The following CADM2 variants were observed in gnomAD, a reference collection of about 807,000 sequenced individuals.
The protein encoded by CADM2 is immunoglobulin superfamily member 4D.
A neutral mutation model predicts 49.8 loss-of-function variants in CADM2; 12 were observed. The ratio of observed to expected loss-of-function variants is 0.24; its 90% CI spans 0.15 to 0.39. The LOEUF is 0.39. CADM2 is among the 10% of genes least tolerant of loss of function. The pLI is 1.00. For synonymous variants in CADM2, 214 were observed against 175.4 expected (o/e 1.22, Z -1.74); for missense variants, 378 against 492.3 (o/e 0.77, Z 2.20).
intron 1 of CADM2, among the ~76,000 whole-genome samples, chr3:85,547,142 TTG>T (rs759640347): frequency 7.9e-5 from 12 of 152,000 alleles, no homozygotes; most frequent in Non-Finnish European, 1.5e-4. Context: ...AATTAAATAT[TTG>T]TTGTATTGAT....
At chr3:85,675,751 T>C (rs1052450564) in intron 1 of CADM2, among the ~76,000 whole-genome samples, 1 of 152,174 alleles carries the variant, frequency 6.6e-6, no homozygotes, top group Non-Finnish European at 1.5e-5. Context: ...TCATTAATCA[T>C]AGAGGGTGTA....
At chr3:85,105,722 A>G (rs1034126868) in intron 1 of CADM2, among the ~76,000 whole-genome samples, 4 of 152,334 alleles carry the variant, frequency 2.6e-5, no homozygotes, top group Admixed American at 1.3e-4. Flanking sequence ...AGACTGGATT[A>G]AGAAAATATG....
At chr3:85,043,028 AC>A (rs1255912194) in intron 1 of CADM2, among the ~76,000 whole-genome samples, 5 of 152,262 alleles carry the variant, frequency 3.3e-5, no homozygotes, top group South Asian at 2.1e-4. Flanking sequence ...AAATGACAAC[AC>A]AAAGGCATTT....
chr3:85,054,846 A>T (rs1428554883), intron 1 of CADM2, among the ~76,000 whole-genome samples: 1 of 151,882 alleles, frequency 6.6e-6, no homozygotes. Context: ...TCTCTTTTTG[A>T]TGCTTGAAGT....
intron 1 of CADM2, among the ~76,000 whole-genome samples, chr3:85,535,966 G>T (rs1454475493): frequency 6.6e-6 from 1 of 152,054 alleles, no homozygotes; most frequent in East Asian, 1.9e-4. Context: ...TAACAGGATG[G>T]TTTATTAAAG....
intron 1 of CADM2, among the ~76,000 whole-genome samples, chr3:85,530,231 T>C (rs1305798363): frequency 6.6e-6 from 1 of 151,670 alleles, no homozygotes; most frequent in Admixed American, 6.6e-5. Flanking sequence ...AAGACATGTC[T>C]CTTCCTCTAC....
intron 1 of CADM2, among the ~76,000 whole-genome samples, chr3:85,203,765 C>G (rs2041566417): frequency 6.6e-6 from 1 of 152,124 alleles, no homozygotes; most frequent in Non-Finnish European, 1.5e-5. Context: ...CTAGCTCTAG[C>G]TAAGTAAAAT....
intron 3 of CADM2, among the ~76,000 whole-genome samples, chr3:85,826,448 A>G (rs923696817): frequency 6.6e-6 from 1 of 152,058 alleles, no homozygotes; most frequent in African/African-American, 2.4e-5. Context: ...GGGTTTTTAT[A>G]GTTGTTTTTC....
chr3:85,560,883 T>C (rs994139113), intron 1 of CADM2, among the ~76,000 whole-genome samples: 9 of 152,222 alleles, frequency 5.9e-5, no homozygotes, highest in African/African-American at 1.9e-4. Flanking sequence ...TTTTACCATG[T>C]TTTCTTTAGA....
chr3:85,286,913 A>G (rs1042401925), intron 1 of CADM2, among the ~76,000 whole-genome samples: 1 of 152,166 alleles, frequency 6.6e-6, no homozygotes, highest in Non-Finnish European at 1.5e-5. Flanking sequence ...ATCATTCAAT[A>G]TCAGTAATTT....
At chr3:85,694,229 T>G (rs144985489) in intron 1 of CADM2, among the ~76,000 whole-genome samples, 1 of 152,172 alleles carries the variant, frequency 6.6e-6, no homozygotes, top group Non-Finnish European at 1.5e-5. Context: ...TACCTCCCAT[T>G]CATATGTTGA....
chr3:85,228,137 G>GT (rs1234994742), intron 1 of CADM2, among the ~76,000 whole-genome samples: 1 of 152,000 alleles, frequency 6.6e-6, no homozygotes, highest in Non-Finnish European at 1.5e-5. Context: ...TCTTTGTGGT[G>GT]TTCTCTGTAT....
At chr3:85,334,326 G>A (rs975114092) in intron 1 of CADM2, among the ~76,000 whole-genome samples, 1 of 151,428 alleles carries the variant, frequency 6.6e-6, no homozygotes, top group Admixed American at 6.6e-5. Context: ...TGATGTCTCA[G>A]GCTTACATCT....
At chr3:85,086,587 C>T (rs976969756) in intron 1 of CADM2, among the ~76,000 whole-genome samples, 3 of 148,604 alleles carry the variant, frequency 2.0e-5, no homozygotes, top group Non-Finnish European at 3.0e-5. Flanking sequence ...TCTTGGCTCA[C>T]GGCAGCCTCC....
intron 1 of CADM2, among the ~76,000 whole-genome samples, chr3:85,250,774 A>T (rs778817734): frequency 6.6e-6 from 1 of 151,766 alleles, no homozygotes; most frequent in African/African-American, 2.4e-5. Flanking sequence ...ACAATACTAA[A>T]TACAAATGGA....
At chr3:85,886,043 G>A in intron 4 of CADM2, 147 bp from the exon 5 acceptor site, 1 of 1,156,204 alleles carries the variant, frequency 8.6e-7, no homozygotes, top group Non-Finnish European at 1.2e-6. Flanking sequence ...CACATATGAA[G>A]CAGTTTATTA....
At position 85,644,483 on chromosome 3, in the gene CADM2, T is replaced by G. The variant is rs181671513; in HGVS notation, c.62-82039T>G. Reference sequence around the variant, plus strand: ...ATCAGTGTTTCTATACAAAACAAACTTAATAGAACCAAATGATAAAAGAGA... The same window carrying G: ...ATCAGTGTTTCTATACAAAACAAACGTAATAGAACCAAATGATAAAAGAGA... On this transcript the variant is annotated intron_variant, in intron 1 of 9. Coordinates refer to ENST00000383699, the MANE Select transcript of CADM2 (RefSeq NM_001167675.2). Among the ~76,000 whole-genome samples the G allele has an allele frequency of 3.4e-3, 523 of 152,174 alleles. 2 individuals carry two copies. Among genetic ancestry groups the G allele is most frequent in the African/African-American group, 0.012 (497 of 41,526 alleles).
rs201365936 is a variant in CADM2, at chr3:85,112,356, A to ATTTT, written c.61+152698_61+152701dup. On this transcript the variant is annotated intron_variant, in intron 1 of 9. Transcript: ENST00000383699. ...ATTTGAAAATTCTGGAGAAACTGTC[A>ATTTT]TTTTTTTTTTTTTGGCATTTAACTC... Among the ~76,000 whole-genome samples, 13 of 144,256 alleles carry ATTTT rather than the reference A, an allele frequency of 9.0e-5. No individual in the cohort carries two copies. In the East Asian group the frequency reaches 2.2e-3, roughly 25 times the overall value. 94.6% of individuals were successfully genotyped at this position (144,256 alleles called of 152,430 possible). A position where few individuals can be genotyped will look rare whatever the true frequency, so the allele number is the denominator to read the frequency against.
At chr3:85,056,482 T>TG in intron 1 of CADM2, among the ~76,000 whole-genome samples, 1 of 152,042 alleles carries the variant, frequency 6.6e-6, no homozygotes, top group Middle Eastern at 3.2e-3. Flanking sequence ...TAATTATAAG[T>TG]ACATATTGAA....
Sources: allele counts gnomAD v4.1 joint callset (sites outside exome capture counted in the v4.1 genomes callset), GRCh38; gene constraint gnomAD v4.1.1; transcripts MANE v1.5; gene names NCBI Gene and HGNC (gene_info 2026-07-23, HGNC 2026-07-21).